Variants in NLRX1 observed in about 807,000 individuals in gnomAD.
NLRX1 encodes the protein NOD-like receptor X1.
In NLRX1, 67 loss-of-function variants were observed where a neutral mutation model predicts 74.2. The ratio of observed to expected loss-of-function variants is 0.90; its 90% CI spans 0.74 to 1.11. The LOEUF is 1.11. Ranked by LOEUF, NLRX1 falls within the 50% of genes least tolerant of loss-of-function variation. NLRX1 has a pLI of 0.00. For missense variants in NLRX1, 1,191 were observed against 1,305.4 expected, an observed-to-expected ratio of 0.91 and a Z score of 1.35; for synonymous variants, 506 against 559.1, an observed-to-expected ratio of 0.91 and a Z score of 1.34.
chr11:119,173,683 C>A lies in NLRX1; in HGVS notation c.434C>A (p.Ala145Asp), dbSNP rs758275404. Residue 145 changes from alanine to aspartate, a missense_variant, in exon 5 of 10, where the codon GCC (alanine) becomes GAC (aspartate). Physicochemically the swap from Ala to Asp is moderately radical, Grantham distance 126 (BLOSUM62 -2). Coordinates refer to ENST00000409109, the MANE Select transcript of NLRX1 (RefSeq NM_001282144.2). This position sits in a 1 kb window ranked among gnomAD's most constrained non-coding sequence, Gnocchi z 4.0. ...CCCCAGGCCGGGCTCCCCCCACTGGCCTTGTCTCAGCTCTTTAACCCGGAT... is the reference window on the plus strand; with the variant it reads ...CCCCAGGCCGGGCTCCCCCCACTGGACTTGTCTCAGCTCTTTAACCCGGAT... The part of the protein sequence containing the change: ...QPPQAGLPPL[A>D]LSQLFNPDAC... 1.2e-6 allele frequency: 2 copies of A among 1,614,074 alleles called. No individual in the cohort carries two copies. The highest frequency in any genetic ancestry group is 1.7e-6 in the Non-Finnish European group (2 of 1,180,006).
rs376113331 is a variant in NLRX1 at position 119,173,573 on chromosome 11, G to A, written c.324G>A (p.Thr108=). ...RQFGPTFALD[T]VHVDPVIRES... ...TTGGCCCAACCTTTGCCCTAGACAC[G>A]GTCCACGTTGACCCTGTGATCCGCG... The change falls in exon 5 of 10, where the codon ACG becomes ACA. Residue 108 remains threonine, a synonymous_variant. Transcript: ENST00000409109. The surrounding 1 kb of genome is among the most constrained non-coding windows in gnomAD (Gnocchi z 4.0). 48 of 1,614,140 alleles carry A rather than the reference G, an allele frequency of 3.0e-5. No individual in the cohort carries two copies. Among genetic ancestry groups the A allele is most frequent in the South Asian group, 2.6e-4 (24 of 91,090 alleles).
At chr11:119,170,220 G>A (rs557900336) in intron 1 of NLRX1, among the ~76,000 whole-genome samples, 9 of 152,140 alleles carry the variant, frequency 5.9e-5, no homozygotes, top group Non-Finnish European at 1.2e-4. Context: ...GACTTTTCGG[G>A]AGGTGCTTGG....
intron 6 of NLRX1, among the ~76,000 whole-genome samples, chr11:119,176,340 T>C (rs1948703230): frequency 1.3e-5 from 2 of 152,198 alleles, no homozygotes; most frequent in African/African-American, 4.8e-5. Context: ...TTCGACCTTC[T>C]GGGCTCAAGC....
rs548995927 is a variant in NLRX1 at position 119,173,542 on chromosome 11, G to A, written c.293G>A (p.Arg98His). The change falls in exon 5 of 10, where the codon CGC (arginine) becomes CAC (histidine). Residue 98 changes from arginine to histidine, a missense_variant. Transcript: ENST00000409109. This position sits in a 1 kb window ranked among gnomAD's most constrained non-coding sequence, Gnocchi z 4.0. ...TTCAGCCGGCTGCCCAGGGAGGAGCGCCAGTTTGGCCCAACCTTTGCCCTA... is the reference window on the plus strand; with the variant it reads ...TTCAGCCGGCTGCCCAGGGAGGAGCACCAGTTTGGCCCAACCTTTGCCCTA... The part of the protein sequence containing the change: ...EWFSRLPREE[R>H]QFGPTFALDT... 46 of 1,613,982 alleles carry A rather than the reference G, an allele frequency of 2.9e-5. No homozygotes were observed. The highest frequency in any genetic ancestry group is 1.0e-4 in the Admixed American group (6 of 60,008).
chr11:119,181,498 T>G, intron 8 of NLRX1: 1 of 520,240 alleles, frequency 1.9e-6, no homozygotes, highest in Admixed American at 3.1e-5. Flanking sequence ...CTGGGGGAGG[T>G]GGGGAGAGAG....
chr11:119,182,045 C>A (rs1948850544), intron 8 of NLRX1, 49 bp from the exon 9 acceptor site: 5 of 1,595,882 alleles, frequency 3.1e-6, no homozygotes, highest in Non-Finnish European at 4.3e-6. Flanking sequence ...ACCTTGCCTC[C>A]CCCTCCTCTC....
At chr11:119,169,705 T>C (rs527592286) in intron 1 of NLRX1, among the ~76,000 whole-genome samples, 5 of 152,082 alleles carry the variant, frequency 3.3e-5, no homozygotes, top group Non-Finnish European at 5.9e-5. Context: ...AAAAGATTGG[T>C]TGGGGCCCGA....
chr11:119,174,765 A>C lies in NLRX1; in HGVS notation c.1162A>C (p.Thr388Pro), dbSNP rs1948653578. ...CACCTTGCACTTCCTGCATGCCCCC[A>C]CGCCTGCTGGGCAGACCCTTACAAG... The part of the protein sequence containing the change: ...CATLHFLHAP[T>P]PAGQTLTSIY... Residue 388 changes from threonine to proline, a missense_variant, in exon 6 of 10, where the codon ACG (threonine) becomes CCG (proline). Thr to Pro is a conservative substitution (Grantham distance 38). Coordinates refer to ENST00000409109, the MANE Select transcript of NLRX1 (RefSeq NM_001282144.2). The C allele has an allele frequency of 6.2e-7, 1 of 1,613,528 alleles. No individual in the cohort carries two copies. Among genetic ancestry groups the C allele is most frequent in the South Asian group, 1.1e-5 (1 of 91,070 alleles).
chr11:119,178,648 A>G (rs1948754838), intron 6 of NLRX1, among the ~76,000 whole-genome samples: 1 of 151,150 alleles, frequency 6.6e-6, no homozygotes, highest in Middle Eastern at 3.5e-3. Context: ...TAGCCAAAGG[A>G]AGAAGTTGGG....
chr11:119,183,495 T>C lies in NLRX1; in HGVS notation c.*56T>C. On this transcript the variant is annotated 3_prime_UTR_variant, in exon 10 of 10. Transcript: ENST00000409109. This position sits in a 1 kb window ranked among gnomAD's most constrained non-coding sequence, Gnocchi z 5.7. ...CCACTGGCCCTAAACCTTTTCCCTC[T>C]GTGGCCTCCTGGCTTGCACTGCTCC... 6.7e-7 allele frequency: 1 copy of C among 1,494,902 alleles called. No individual in the cohort carries two copies. Among genetic ancestry groups the C allele is most frequent in the East Asian group, 2.4e-5 (1 of 42,048 alleles). 92.6% of individuals were successfully genotyped at this position (1,494,902 alleles called of 1,614,324 possible). A position where few individuals can be genotyped will look rare whatever the true frequency, so the allele number is the denominator to read the frequency against.
chr11:119,183,507 G>A lies in NLRX1; in HGVS notation c.*68G>A. The A allele has an allele frequency of 7.1e-7, 1 of 1,399,884 alleles. No homozygotes were observed. Among genetic ancestry groups the A allele is most frequent in the Non-Finnish European group, 9.8e-7 (1 of 1,023,692 alleles). The allele number at this position is 1,399,884 out of a possible 1,614,324, so 86.7% of individuals were successfully genotyped here. On this transcript the variant is annotated 3_prime_UTR_variant, in exon 10 of 10. Coordinates refer to ENST00000409109, the MANE Select transcript of NLRX1 (RefSeq NM_001282144.2). This position sits in a 1 kb window ranked among gnomAD's most constrained non-coding sequence, Gnocchi z 5.7. ...AACCTTTTCCCTCTGTGGCCTCCTG[G>A]CTTGCACTGCTCCCTCTAGAAAGAT...
upstream of NLRX1, chr11:119,168,564 C>G (rs1005138062): frequency 1.3e-5 from 2 of 152,276 alleles, no homozygotes; most frequent in African/African-American, 4.8e-5. Context: ...GGCTCATCCA[C>G]TTCCTAACTG....
chr11:119,182,514 C>G lies in NLRX1; in HGVS notation c.2606+169C>G, dbSNP rs186684774. Among the ~76,000 whole-genome samples the G allele has an allele frequency of 6.2e-4, 95 of 152,336 alleles. 2 individuals carry two copies. Among genetic ancestry groups the G allele is most frequent in the Middle Eastern group, 6.8e-3 (2 of 294 alleles). On this transcript the variant is annotated intron_variant, in intron 9 of 9. Coordinates refer to ENST00000409109, the MANE Select transcript of NLRX1 (RefSeq NM_001282144.2). ...ACCTAGCTCTGAGCCAACCCACCCC[C>G]TCTGTGACTGGCGCTTAAACTGCAC...
rs747778089 is a variant in NLRX1 at position 119,171,467 on chromosome 11, C to T, written c.64C>T (p.Arg22Ter). ...CTCTGGTTTTAGAAGAGCACTCCAGCGACCAGGTGAGCAGGAAGCAGGGGT... is the reference window on the plus strand; with the variant it reads ...CTCTGGTTTTAGAAGAGCACTCCAGTGACCAGGTGAGCAGGAAGCAGGGGT... The part of the protein sequence containing the change: ...WGSGFRRALQ[R>*]PDDRIPFLIH... The change falls in exon 2 of 10, where the codon CGA becomes TGA. Residue 22 changes from arginine to a stop codon, truncating the protein, a stop_gained. Transcript: ENST00000409109. LOFTEE classifies it high-confidence loss of function. 12 of 1,611,674 alleles carry T rather than the reference C, an allele frequency of 7.4e-6. No individual in the cohort carries two copies. In the South Asian group the frequency reaches 1.1e-4, roughly 15 times the overall value.
At position 119,172,614 on chromosome 11, in the gene NLRX1, A is replaced by T. The variant is rs1199919320; in HGVS notation, c.140+189A>T. 1.2e-4 allele frequency among the ~76,000 whole-genome samples: 19 copies of T among 152,144 alleles called. 1 individual carries two copies. The highest frequency in any genetic ancestry group is 1.5e-5 in the Non-Finnish European group (1 of 68,006). On this transcript the variant is annotated intron_variant, in intron 3 of 9. Coordinates refer to ENST00000409109, the MANE Select transcript of NLRX1 (RefSeq NM_001282144.2). ...GCTTAGATCATCTGTGGTAGAAGGC[A>T]TAGTAGTCAGTGGAGGGAGGACCCT...
At chr11:119,168,334 C>G (rs1028309287), upstream of NLRX1, 1 of 152,304 alleles carries the variant, frequency 6.6e-6, no homozygotes, top group Non-Finnish European at 1.5e-5. Flanking sequence ...CCCATTCTTC[C>G]TTCTTTCTTA....
In NLRX1 at chr11:119,183,835, A is replaced by T; in HGVS notation, c.*396A>T. The T allele has an allele frequency of 1.3e-6, 1 of 780,854 alleles. No homozygotes were observed. The highest frequency in any genetic ancestry group is 2.4e-6 in the Non-Finnish European group (1 of 417,980). 48.4% of individuals were successfully genotyped at this position (780,854 alleles called of 1,614,324 possible). A position where few individuals can be genotyped will look rare whatever the true frequency, so the allele number is the denominator to read the frequency against. ...TGCCATGCCAGGGGTGTCGCCATCCAGATGTGTTGGAAGCTTCCCCTCCTG... is the reference window on the plus strand; with the variant it reads ...TGCCATGCCAGGGGTGTCGCCATCCTGATGTGTTGGAAGCTTCCCCTCCTG... On this transcript the variant is annotated 3_prime_UTR_variant, in exon 10 of 10. Coordinates refer to ENST00000409109, the MANE Select transcript of NLRX1 (RefSeq NM_001282144.2). The surrounding 1 kb of genome is among the most constrained non-coding windows in gnomAD (Gnocchi z 5.7).
Position 119,173,275 on chromosome 11 carries a change from C to T in NLRX1, c.230-204C>T, listed in dbSNP as rs1348465339. On this transcript the variant is annotated intron_variant, in intron 4 of 9. Transcript: ENST00000409109. The surrounding 1 kb of genome is among the most constrained non-coding windows in gnomAD (Gnocchi z 4.0). Reference sequence around the variant, plus strand: ...ATAGGTCACTGTGAAACCAGTTTGTCCAGTGGCTTCCCACTTTCTGACATA... The same window carrying T: ...ATAGGTCACTGTGAAACCAGTTTGTTCAGTGGCTTCCCACTTTCTGACATA... The T allele has an allele frequency of 1.5e-6, 1 of 674,652 alleles. No individual in the cohort carries two copies. The highest frequency in any genetic ancestry group is 1.8e-5 in the African/African-American group (1 of 55,268). The allele number at this position is 674,652 out of a possible 1,614,324, so 41.8% of individuals were successfully genotyped here. A position where few individuals can be genotyped will look rare whatever the true frequency, so the allele number is the denominator to read the frequency against.
At chr11:119,181,450 A>G (rs375293535) in intron 8 of NLRX1, 193 bp downstream of exon 8, 38 of 577,642 alleles carry the variant, frequency 6.6e-5, no homozygotes, top group East Asian at 2.1e-4. Flanking sequence ...GCCACCTGTA[A>G]TGGGTGCTAA....
Sources: gnomAD v4.1 joint callset for allele counts (sites outside exome capture counted in the v4.1 genomes callset) on GRCh38, gnomAD v4.1.1 for gene constraint, Gnocchi (gnomAD v3.1) non-coding constraint, MANE v1.5 for transcripts, NCBI Gene and HGNC (gene_info 2026-07-23, HGNC 2026-07-21) for gene names.